POLK: variants seen among roughly 807,000 people sequenced by gnomAD.
POLK encodes DNA polymerase kappa.
POLK carries 76 observed loss-of-function variants against 94.0 expected under a neutral mutation model. That is an observed-to-expected ratio of 0.81 (90% CI 0.67 to 0.98). The LOEUF is 0.98. POLK is among the 50% of genes least tolerant of loss of function. The pLI is 0.00. For synonymous variants in POLK, 349 were observed against 325.4 expected (o/e 1.07, Z -0.78); for missense variants, 954 against 1,010.1 (o/e 0.94, Z 0.75).
chr5:75,553,425 G>A (rs1332976714), intron 3 of POLK, among the ~76,000 whole-genome samples: 2 of 152,226 alleles, frequency 1.3e-5, no homozygotes, highest in East Asian at 3.9e-4. Flanking sequence ...AGAGTTCAAA[G>A]ATCATAAATT....
intron 1 of POLK, among the ~76,000 whole-genome samples, chr5:75,542,563 T>C (rs1031033100): frequency 1.3e-5 from 2 of 151,610 alleles, no homozygotes; most frequent in Non-Finnish European, 2.9e-5. Context: ...AACAAAAGTT[T>C]GCCTTATATG....
the POLK span, among the ~76,000 whole-genome samples, chr5:75,607,733 CAAATT>C: frequency 6.6e-6 from 1 of 152,084 alleles, no homozygotes; most frequent in Non-Finnish European, 1.5e-5. Context: ...TCACAAGAAA[CAAATT>C]AAAAAATTGT....
chr5:75,609,139 T>C, the POLK span: 7 of 152,204 alleles, frequency 4.6e-5, no homozygotes, highest in Non-Finnish European at 1.0e-4. Flanking sequence ...GATGATGCAT[T>C]TTCTCCTGTC....
chr5:75,520,573 A>T (rs930111229), intron 1 of POLK, among the ~76,000 whole-genome samples: 3 of 151,944 alleles, frequency 2.0e-5, no homozygotes, highest in Admixed American at 6.6e-5. Context: ...TAGAAAAAAA[A>T]TTTTTTTTAG....
At position 75,564,544 on chromosome 5, in the gene POLK, T is replaced by C. The variant is rs562523651; in HGVS notation, c.256-4796T>C. Among the ~76,000 whole-genome samples the C allele has an allele frequency of 3.3e-5, 5 of 152,370 alleles. No homozygotes were observed. In the South Asian group the frequency reaches 1.0e-3, roughly 32 times the overall value. ...GCCTGGTACCGGTTTTTCCTTTCCA[T>C]ATTCAGTGCTTCCTTCAGGAGCTCT... On this transcript the variant is annotated intron_variant, in intron 3 of 14. Transcript: ENST00000241436.
At chr5:75,527,479 CAA>C (rs531406336) in intron 1 of POLK, among the ~76,000 whole-genome samples, 1 of 112,530 alleles carries the variant, frequency 8.9e-6, no homozygotes. Context: ...GACCCTGTCT[CAA>C]AAAAAAAAAA....
At chr5:75,510,946 G>A (rs1767941047), upstream of POLK, among the ~76,000 whole-genome samples, 1 of 152,096 alleles carries the variant, frequency 6.6e-6, no homozygotes. Flanking sequence ...GGGCAACAAG[G>A]ACAGTGCCCC....
intron 1 of POLK, among the ~76,000 whole-genome samples, chr5:75,543,391 A>G (rs541818712): frequency 2.0e-5 from 3 of 152,258 alleles, no homozygotes; most frequent in Admixed American, 2.0e-4. Context: ...TGATTTTGAA[A>G]GCAGAGCTCA....
In POLK at chr5:75,524,390, G is replaced by A. The variant is rs536126857; in HGVS notation, c.-14+12476G>A. ...AGGATTAAAATTTTAGAAGACAGTG[G>A]AGTTTAATTGGCTGCTCTCCTCTCT... On this transcript the variant is annotated intron_variant, in intron 1 of 14. Coordinates refer to ENST00000241436, the Ensembl canonical transcript of POLK. 2.6e-5 allele frequency among the ~76,000 whole-genome samples: 4 copies of A among 152,200 alleles called. No homozygotes were observed. In the South Asian group the frequency reaches 6.2e-4, roughly 24 times the overall value.
At chr5:75,569,153 C>A (rs150720336) in intron 3 of POLK, among the ~76,000 whole-genome samples, 187 bp from the exon 4 acceptor site, 1 of 151,718 alleles carries the variant, frequency 6.6e-6, no homozygotes, top group African/African-American at 2.4e-5. Context: ...CCATAAACAC[C>A]CATGAACAAC....
intron 1 of POLK, among the ~76,000 whole-genome samples, chr5:75,518,146 G>A (rs181533877): frequency 2.1e-4 from 32 of 152,262 alleles, no homozygotes; most frequent in African/African-American, 7.5e-4. Context: ...TGTAGAATGA[G>A]TTTGGAAGTA....
At chr5:75,562,867 A>C (rs2112721240) in intron 3 of POLK, among the ~76,000 whole-genome samples, 1 of 152,260 alleles carries the variant, frequency 6.6e-6, no homozygotes, top group African/African-American at 2.4e-5. Context: ...AGCTGACTTG[A>C]TTGCGTTGGA....
chr5:75,527,513 A>G (rs1282360136), intron 1 of POLK, among the ~76,000 whole-genome samples: 2 of 145,340 alleles, frequency 1.4e-5, no homozygotes, highest in Non-Finnish European at 3.0e-5. Context: ...ACACACACAC[A>G]CACACACACA....
chr5:75,512,518 C>G (rs1768093123), intron 1 of POLK: 1 of 152,194 alleles, frequency 6.6e-6, no homozygotes, highest in Admixed American at 6.5e-5. Context: ...TATATAGAAA[C>G]TTTCTCGTAT....
chr5:75,529,110 A>T (rs1580932205), intron 1 of POLK, among the ~76,000 whole-genome samples: 1 of 152,324 alleles, frequency 6.6e-6, no homozygotes, highest in East Asian at 1.9e-4. Flanking sequence ...TGGGTAATTT[A>T]TAAAGAAAAG....
chr5:75,511,901 T>G, exon 1 of POLK: 1 of 1,386,176 alleles, frequency 7.2e-7, no homozygotes, highest in South Asian at 1.3e-5. Context: ...GTAGTCGCGA[T>G]CCTGAGGTAA....
chr5:75,553,765 A>G (rs1342755641), intron 3 of POLK, among the ~76,000 whole-genome samples: 1 of 152,238 alleles, frequency 6.6e-6, no homozygotes, highest in African/African-American at 2.4e-5. Context: ...GTTGTAAACC[A>G]TTAATATTTC....
chr5:75,537,394 TCTC>T (rs1411289089), intron 1 of POLK, among the ~76,000 whole-genome samples: 6 of 152,214 alleles, frequency 3.9e-5, no homozygotes, highest in Non-Finnish European at 7.3e-5. Context: ...TTGGTTAGGT[TCTC>T]CTGGCTCTGT....
intron 1 of POLK, among the ~76,000 whole-genome samples, chr5:75,540,616 T>G (rs937179978): frequency 3.9e-5 from 6 of 152,110 alleles, no homozygotes; most frequent in African/African-American, 1.4e-4. Flanking sequence ...ATATTAAAAT[T>G]GTAATATTCT....
Sources: allele counts gnomAD v4.1 joint callset (sites outside exome capture counted in the v4.1 genomes callset), GRCh38; gene constraint gnomAD v4.1.1; transcripts MANE v1.5; gene names NCBI Gene and HGNC (gene_info 2026-07-23, HGNC 2026-07-21).